The following ABCA1 variants were observed in gnomAD, a reference collection of about 807,000 sequenced individuals.
ABCA1 encodes the protein phospholipid-transporting ATPase ABCA1.
Under a neutral mutation model 262.5 loss-of-function variants are expected in ABCA1, and 133 were observed. The ratio of observed to expected loss-of-function variants is 0.51; its 90% CI spans 0.44 to 0.59. The LOEUF is 0.59. Among genes scored for constraint, ABCA1 ranks in the 20% least tolerant of loss-of-function variants. The pLI is 0.00. For synonymous variants in ABCA1, 1,022 were observed against 1,043.5 expected (o/e 0.98, Z 0.40); for missense variants, 2,452 against 2,777.5 (o/e 0.88, Z 2.63).
intron 1 of ABCA1, among the ~76,000 whole-genome samples, chr9:104,905,776 G>T (rs1841081292): frequency 6.6e-6 from 1 of 152,128 alleles, no homozygotes; most frequent in Non-Finnish European, 1.5e-5. Context: ...CTGCTCTCCA[G>T]GAATCAGTTC....
chr9:104,862,636 G>T (rs1220525335), intron 5 of ABCA1, among the ~76,000 whole-genome samples: 18 of 1,306 alleles, frequency 0.014, no homozygotes, highest in Non-Finnish European at 0.034. Context: ...CAGACTGCCG[G>T]GCCGGGCCGG....
chr9:104,815,589 A>C (rs1831674357), intron 25 of ABCA1, among the ~76,000 whole-genome samples: 2 of 152,184 alleles, frequency 1.3e-5, no homozygotes, highest in Admixed American at 1.3e-4. Flanking sequence ...AAATGAGGTC[A>C]CAGTGATTAA....
intron 11 of ABCA1, among the ~76,000 whole-genome samples, chr9:104,833,870 C>G (rs556932508): frequency 6.6e-6 from 1 of 152,312 alleles, no homozygotes; most frequent in South Asian, 2.1e-4. Flanking sequence ...CAATCCGCTG[C>G]TCAATCAGCA....
intron 25 of ABCA1, 88 bp from the exon 26 acceptor site, chr9:104,814,563 A>G: frequency 7.8e-7 from 1 of 1,280,280 alleles, no homozygotes; most frequent in Non-Finnish European, 1.1e-6. Flanking sequence ...ACTGAGTGGC[A>G]TGTTAGCCCC....
chr9:104,903,727 G>T lies in ABCA1; in HGVS notation c.-48C>A. 1.9e-6 allele frequency: 3 copies of T among 1,542,108 alleles called. No individual in the cohort carries two copies. ...GCGTGTGGCTCGGGAGCCCTGGAAGGCAGCGGCCAGAGCTCACAGCAGGGA... is the reference window on the plus strand; with the variant it reads ...GCGTGTGGCTCGGGAGCCCTGGAAGTCAGCGGCCAGAGCTCACAGCAGGGA... On this transcript the variant is annotated 5_prime_UTR_variant, in exon 2 of 50. An upstream open reading frame in the 5' UTR gains an earlier in-frame stop. Transcript: ENST00000374736.
At chr9:104,913,993 G>T (rs558569977) in intron 1 of ABCA1, among the ~76,000 whole-genome samples, 3 of 151,702 alleles carry the variant, frequency 2.0e-5, no homozygotes, top group Non-Finnish European at 4.4e-5. Context: ...TAGAGACGGG[G>T]TTTCGCCGTG....
At chr9:104,921,421 T>C (rs1296406795) in intron 1 of ABCA1, among the ~76,000 whole-genome samples, 1 of 152,210 alleles carries the variant, frequency 6.6e-6, no homozygotes, top group Non-Finnish European at 1.5e-5. Flanking sequence ...GTCACTCTTA[T>C]TAACAAAAAT....
At chr9:104,860,861 A>G (rs1836317329) in intron 6 of ABCA1, among the ~76,000 whole-genome samples, 1 of 149,378 alleles carries the variant, frequency 6.7e-6, no homozygotes, top group Non-Finnish European at 1.5e-5. Context: ...GGTTCAAACG[A>G]TTCTCCTGTC....
Position 104,788,449 on chromosome 9 carries a change from C to G in ABCA1, c.6046G>C (p.Val2016Leu). 6.2e-7 allele frequency: 1 copy of G among 1,614,164 alleles called. No individual in the cohort carries two copies. Among genetic ancestry groups the G allele is most frequent in the Non-Finnish European group, 8.5e-7 (1 of 1,180,002 alleles). Reference protein sequence around the residue: ...HVEFFALLRGVPEKEVGKVGE... With the variant: ...HVEFFALLRGLPEKEVGKVGE... Reference sequence around the variant, plus strand: ...ACCTTGCCAACTTCTTTCTCTGGGACTCCTCTCAAAAGGGCAAAGAACTCC... The same window carrying G: ...ACCTTGCCAACTTCTTTCTCTGGGAGTCCTCTCAAAAGGGCAAAGAACTCC... The change falls in exon 45 of 50, where the codon GTC (valine) becomes CTC (leucine). Residue 2016 changes from valine (V) to leucine (L), a missense_variant. By Grantham distance (32) the Val-to-Leu change is conservative. Coordinates refer to ENST00000374736, the MANE Select transcript of ABCA1 (RefSeq NM_005502.4).
intron 1 of ABCA1, among the ~76,000 whole-genome samples, chr9:104,909,229 A>G (rs1648238567): frequency 6.6e-6 from 1 of 152,180 alleles, no homozygotes; most frequent in African/African-American, 2.4e-5. Flanking sequence ...TCGAGTGCCT[A>G]TCACATGCCA....
intron 40 of ABCA1, among the ~76,000 whole-genome samples, chr9:104,793,942 C>T (rs936879846): frequency 2.6e-5 from 4 of 152,136 alleles, no homozygotes; most frequent in Admixed American, 6.5e-5. Context: ...AGATGTAATA[C>T]ATTATAATTT....
At chr9:104,886,404 G>A (rs1175211070) in intron 3 of ABCA1, among the ~76,000 whole-genome samples, 2 of 152,146 alleles carry the variant, frequency 1.3e-5, no homozygotes, top group Non-Finnish European at 2.9e-5. Flanking sequence ...TCTGATCACT[G>A]TGGCCACCCT....
intron 6 of ABCA1, among the ~76,000 whole-genome samples, chr9:104,860,399 C>T (rs1836261528): frequency 6.6e-6 from 1 of 152,166 alleles, no homozygotes; most frequent in Non-Finnish European, 1.5e-5. Flanking sequence ...TTGGTAAACA[C>T]AAGGCATATT....
In ABCA1 at chr9:104,792,790, G is replaced by A. The variant is rs752987110; in HGVS notation, c.5753C>T (p.Thr1918Met). The change falls in exon 42 of 50, where the codon ACG (threonine) becomes ATG (methionine). Residue 1918 changes from threonine to methionine, a missense_variant. Physicochemically the swap from Thr to Met is moderately conservative, Grantham distance 81 (BLOSUM62 -1). Around this residue, in one of 4 missense-constraint regions of ABCA1, gnomAD observed 752 missense variants for 944.5 expected, o/e 0.80. Transcript: ENST00000374736. Reference protein sequence around the residue: ...QNDILEIKELTKIYRRKRKPA... With the variant: ...QNDILEIKELMKIYRRKRKPA... ...TTGTAACCTGTACTCTCTCACCTTC[G>A]TCAACTCCTTGATTTCTAAGATGTC... 34 of 1,613,868 alleles carry A rather than the reference G, an allele frequency of 2.1e-5. 1 individual carries two copies. Among genetic ancestry groups the A allele is most frequent in the Middle Eastern group, 1.6e-4 (1 of 6,080 alleles).
intron 9 of ABCA1, 73 bp from the exon 10 acceptor site, chr9:104,837,640 G>A: frequency 6.4e-7 from 1 of 1,574,592 alleles, no homozygotes; most frequent in South Asian, 1.1e-5. Flanking sequence ...GGGCTTTGGA[G>A]CCAGAGAGTT....
At position 104,831,566 on chromosome 9, in the gene ABCA1, T is replaced by C. The variant is rs573938688; in HGVS notation, c.1715+56A>G. On this transcript the variant is annotated intron_variant, in intron 13 of 49. Coordinates refer to ENST00000374736, the MANE Select transcript of ABCA1 (RefSeq NM_005502.4). ...AAATAAAGTACCTCTTGTCCTAATA[T>C]AATAGGTGCTCTGGACCTCCCCAAG... 2.8e-6 allele frequency: 4 copies of C among 1,426,126 alleles called. No homozygotes were observed. The East Asian group carries it at 9.2e-5, about 33-fold the overall frequency. 88.3% of individuals were successfully genotyped at this position (1,426,126 alleles called of 1,614,324 possible). A position where few individuals can be genotyped will look rare whatever the true frequency, so the allele number is the denominator to read the frequency against.
chr9:104,924,664 A>G (rs1002853470), intron 1 of ABCA1, among the ~76,000 whole-genome samples: 2 of 152,222 alleles, frequency 1.3e-5, no homozygotes, highest in African/African-American at 4.8e-5. Context: ...TAGAAATGCA[A>G]AAACCACATG....
intron 4 of ABCA1, 59 bp from the exon 5 acceptor site, chr9:104,883,216 T>C (rs1425068498): frequency 3.5e-5 from 50 of 1,438,862 alleles, no homozygotes; most frequent in Middle Eastern, 2.4e-4. Flanking sequence ...CTCTGCTGCT[T>C]TACAGAAGTG....
chr9:104,822,447 G>A (rs369131158), intron 19 of ABCA1, 49 bp downstream of exon 19: 9 of 1,609,460 alleles, frequency 5.6e-6, no homozygotes, highest in African/African-American at 4.0e-5. Context: ...TAACTCTACT[G>A]CAGAACCCTC....
Sources: gnomAD v4.1 joint callset for allele counts (sites outside exome capture counted in the v4.1 genomes callset) on GRCh38, gnomAD v4.1.1 for gene constraint, gnomAD v4.1.1 regional missense constraint, MANE v1.5 for transcripts, NCBI Gene and HGNC (gene_info 2026-07-23, HGNC 2026-07-21) for gene names.